The following FAM107A variants were observed in gnomAD, a reference collection of about 807,000 sequenced individuals.
FAM107A encodes family with sequence similarity 107 member A.
In FAM107A, 19 loss-of-function variants were observed where a neutral mutation model predicts 13.7. The observed-to-expected ratio is 1.38, with a 90% CI of 0.97 to 2.03. The LOEUF is 2.03. FAM107A is among the 30% of genes most tolerant of loss of function. FAM107A has a pLI of 0.00. For synonymous variants in FAM107A, 82 were observed against 74.5 expected (o/e 1.10, Z -0.52); for missense variants, 203 against 184.4 (o/e 1.10, Z -0.58).
At chr3:58,602,383 G>A (rs2065760317) in intron 1 of FAM107A, among the ~76,000 whole-genome samples, 1 of 152,200 alleles carries the variant, frequency 6.6e-6, no homozygotes, top group African/African-American at 2.4e-5. Flanking sequence ...TGATAGTACA[G>A]GTGTCCTGCA....
chr3:58,573,689 A>G (rs1422444912), intron 1 of FAM107A: 1 of 152,292 alleles, frequency 6.6e-6, no homozygotes, highest in East Asian at 1.9e-4. Flanking sequence ...CTGTTAAAGA[A>G]ATGCAGGAGG....
In FAM107A at chr3:58,566,620, C is replaced by T; in HGVS notation, c.403G>A (p.Ala135Thr). The change falls in exon 4 of 4, where the codon GCC (alanine) becomes ACC (threonine). Residue 135 changes from alanine to threonine, a missense_variant. Coordinates refer to ENST00000360997, the MANE Select transcript of FAM107A (RefSeq NM_001076778.3). ...IKVRENLRRIATLTSEEREL is the reference protein window; with the variant it reads ...IKVRENLRRITTLTSEEREL ...TCTCTCTCTTCGCTGGTCAGTGTGG[C>T]AATTCTCCGCAGGTTTTCCCTGACT... 1 of 1,613,944 alleles carries T rather than the reference C, an allele frequency of 6.2e-7. No individual in the cohort carries two copies. The highest frequency in any genetic ancestry group is 8.5e-7 in the Non-Finnish European group (1 of 1,179,912).
chr3:58,594,463 C>T (rs1442993007), intron 1 of FAM107A, among the ~76,000 whole-genome samples: 1 of 152,182 alleles, frequency 6.6e-6, no homozygotes, highest in African/African-American at 2.4e-5. Context: ...ATCCGTAGGA[C>T]TCTGGGTGCA....
In FAM107A at chr3:58,613,312, G is replaced by C. The variant is rs540172526; in HGVS notation, c.-70+14104C>G. On this transcript the variant is annotated intron_variant, in intron 1 of 3. Coordinates refer to the FAM107A transcript ENST00000465970. The surrounding 1 kb of genome is among the most constrained non-coding windows in gnomAD (Gnocchi z 4.6). ...AGAGCTAGTGAGATGGGGAGCAGGA[G>C]TCAAACTGTGGGTTGTCTGACTTCA... is the stretch of plus-strand genomic sequence containing the variant. 6.6e-6 allele frequency among the ~76,000 whole-genome samples: 1 copy of C among 152,316 alleles called. No individual in the cohort carries two copies. Among genetic ancestry groups the C allele is most frequent in the South Asian group, 2.1e-4 (1 of 4,828 alleles).
At chr3:58,587,760 A>AG (rs951579181), upstream of FAM107A, among the ~76,000 whole-genome samples, 10 of 152,084 alleles carry the variant, frequency 6.6e-5, no homozygotes, top group African/African-American at 2.4e-4. Flanking sequence ...CAGGCTCACC[A>AG]GGGGGCTTCA....
intron 1 of FAM107A, among the ~76,000 whole-genome samples, chr3:58,576,895 C>T (rs770577147): frequency 2.6e-5 from 4 of 152,174 alleles, no homozygotes; most frequent in Non-Finnish European, 4.4e-5. Flanking sequence ...ATCACACAGC[C>T]GGTGAAGGAA....
intron 1 of FAM107A, among the ~76,000 whole-genome samples, chr3:58,598,474 G>A (rs2065725500): frequency 6.6e-6 from 1 of 152,176 alleles, no homozygotes; most frequent in African/African-American, 2.4e-5. Flanking sequence ...TGGAACTCAA[G>A]CTGAGGCCCT....
At chr3:58,581,588 A>G (rs1224169285), upstream of FAM107A, among the ~76,000 whole-genome samples, 1 of 151,980 alleles carries the variant, frequency 6.6e-6, no homozygotes, top group Non-Finnish European at 1.5e-5. Flanking sequence ...AAACAGCCCT[A>G]GGATTAAACC....
chr3:58,566,524 A>C lies in FAM107A; in HGVS notation c.*64T>G. The C allele has an allele frequency of 8.5e-7, 1 of 1,176,496 alleles. No individual in the cohort carries two copies. Among genetic ancestry groups the C allele is most frequent in the Non-Finnish European group, 1.3e-6 (1 of 786,696 alleles). The allele number at this position is 1,176,496 out of a possible 1,614,324, so 72.9% of individuals were successfully genotyped here. A position where few individuals can be genotyped will look rare whatever the true frequency, so the allele number is the denominator to read the frequency against. ...GGCCTGGGGCCCAGGGCTGCCAGGT[A>C]CAGAAGGGCTGAAGGAGGCTGTCCA... On this transcript the variant is annotated 3_prime_UTR_variant, in exon 4 of 4. Transcript: ENST00000360997.
At chr3:58,620,166 C>G (rs1415595839) in intron 1 of FAM107A, among the ~76,000 whole-genome samples, 1 of 152,178 alleles carries the variant, frequency 6.6e-6, no homozygotes, top group Admixed American at 6.5e-5. Flanking sequence ...ATGGATAAAT[C>G]ACAGAACTAT....
chr3:58,613,672 C>A lies in FAM107A; in HGVS notation c.-70+13744G>T, dbSNP rs1048546411. Among the ~76,000 whole-genome samples the A allele has an allele frequency of 6.6e-6, 1 of 152,154 alleles. No individual in the cohort carries two copies. The highest frequency in any genetic ancestry group is 1.5e-5 in the Non-Finnish European group (1 of 68,012). ...GATGGCACCTCCTCCAGGAAGCCTT[C>A]CCTGATATTCCCCTCCCTAGGATTG... is the stretch of plus-strand genomic sequence containing the variant. On this transcript the variant is annotated intron_variant, in intron 1 of 3. Coordinates refer to the FAM107A transcript ENST00000465970. The surrounding 1 kb of genome is among the most constrained non-coding windows in gnomAD (Gnocchi z 4.6).
intron 1 of FAM107A, among the ~76,000 whole-genome samples, chr3:58,592,463 A>G (rs141512746): frequency 0.017 from 2,648 of 152,314 alleles, 84 homozygotes; most frequent in African/African-American, 0.059. Flanking sequence ...CTAGATAGAC[A>G]CTTTCACTGG....
chr3:58,598,451 A>G (rs2065725330), intron 1 of FAM107A, among the ~76,000 whole-genome samples: 2 of 152,170 alleles, frequency 1.3e-5, no homozygotes, highest in African/African-American at 4.8e-5. Context: ...AGAGACCCAG[A>G]AAACTGCCTT....
chr3:58,605,149 C>T (rs1420135892), intron 1 of FAM107A, among the ~76,000 whole-genome samples: 2 of 152,180 alleles, frequency 1.3e-5, no homozygotes, highest in Non-Finnish European at 2.9e-5. Flanking sequence ...ACAGTATAGT[C>T]CTCACACCTA....
intron 1 of FAM107A, among the ~76,000 whole-genome samples, chr3:58,624,807 T>A (rs1331974573): frequency 6.6e-6 from 1 of 152,222 alleles, no homozygotes; most frequent in Non-Finnish European, 1.5e-5. Context: ...ATGTGCCCAG[T>A]CACCTCTGCT....
chr3:58,605,937 T>C (rs2065790601), intron 1 of FAM107A, among the ~76,000 whole-genome samples: 1 of 152,214 alleles, frequency 6.6e-6, no homozygotes, highest in Admixed American at 6.5e-5. Flanking sequence ...CAAAACTAAA[T>C]GTCACTGTCA....
rs369031590 is a variant in FAM107A at position 58,569,965 on chromosome 3, C to T, written c.-5-100G>A. The T allele has an allele frequency of 3.1e-5, 37 of 1,207,630 alleles. No homozygotes were observed. The African/African-American group carries it at 4.3e-4, about 14-fold the overall frequency. 74.8% of individuals were successfully genotyped at this position (1,207,630 alleles called of 1,614,324 possible). A position where few individuals can be genotyped will look rare whatever the true frequency, so the allele number is the denominator to read the frequency against. ...GGCAAGGTTTTCATGTCAGATGGAC[C>T]TTGGCCACCTGCTACTGCGCATACC... On this transcript the variant is annotated intron_variant, in intron 1 of 3. Transcript: ENST00000360997. This position sits in a 1 kb window ranked among gnomAD's most constrained non-coding sequence, Gnocchi z 5.7.
intron 1 of FAM107A, among the ~76,000 whole-genome samples, chr3:58,619,440 G>A (rs1468961237): frequency 6.6e-6 from 1 of 152,170 alleles, no homozygotes; most frequent in Non-Finnish European, 1.5e-5. Context: ...CCCCTACGAG[G>A]CTGAAGAGGG....
exon 1 of FAM107A, chr3:58,586,944 C>T (rs758240566): frequency 1.3e-6 from 2 of 1,526,480 alleles, no homozygotes; most frequent in South Asian, 2.4e-5. Flanking sequence ...CATGCCCCCG[C>T]GCCTCCTACT....
Sources: gnomAD v4.1 joint callset for allele counts (sites outside exome capture counted in the v4.1 genomes callset) on GRCh38, gnomAD v4.1.1 for gene constraint, Gnocchi (gnomAD v3.1) non-coding constraint, MANE v1.5 for transcripts, NCBI Gene and HGNC (gene_info 2026-07-23, HGNC 2026-07-21) for gene names.